Variants in UBN1 observed in about 807,000 individuals in gnomAD.
The protein encoded by UBN1 is ubinuclein 1, also known as ubinuclein-1.
UBN1 carries 17 observed loss-of-function variants against 108.5 expected under a neutral mutation model. That is an observed-to-expected ratio of 0.16 (90% confidence interval 0.11 to 0.24). The LOEUF (loss-of-function observed/expected upper bound fraction) is 0.24, where lower values mean the gene tolerates loss of function less well. Among genes scored for constraint, UBN1 ranks in the 10% least tolerant of loss-of-function variants. The pLI, the probability that UBN1 is intolerant of heterozygous loss-of-function variation, is 1.00. For synonymous variants in UBN1, 726 were observed against 564.2 expected, an observed-to-expected ratio of 1.29 and a Z score of -4.07; for missense variants, 1,595 against 1,394.4, an observed-to-expected ratio of 1.14 and a Z score of -2.29.
intron 2 of UBN1, among the ~76,000 whole-genome samples, chr16:4,854,106 T>C (rs1010115557): frequency 6.6e-6 from 1 of 152,068 alleles, no homozygotes; most frequent in Admixed American, 6.5e-5. Flanking sequence ...CCATCTTGTC[T>C]CAGTGCAACC....
In UBN1 at chr16:4,874,885, T is replaced by C; in HGVS notation, c.2475T>C (p.Asn825=). The change falls in exon 15 of 18, where the codon AAT becomes AAC. Residue 825 remains asparagine (N), a synonymous_variant. Coordinates refer to ENST00000262376, the MANE Select transcript of UBN1 (RefSeq NM_001079514.3). ...TCACGCCCCCATCTCCATTTGCCAA[T>C]AAGCTCCAAGGCCCAAAGGCTTCTC... The part of the protein sequence containing the change: ...KNFTPPSPFA[N]KLQGPKASPT... The C allele has an allele frequency of 6.2e-7, 1 of 1,614,122 alleles. No homozygotes were observed. Among genetic ancestry groups the C allele is most frequent in the Non-Finnish European group, 8.5e-7 (1 of 1,180,044 alleles).
chr16:4,880,294 T>G lies in UBN1; in HGVS notation c.*162T>G. Reference sequence around the variant, plus strand: ...CTCGGCACTTCTGATGTGCCTCCCATGGAGGGAGCCGGGCCCTTGCTGCTC... The same window carrying G: ...CTCGGCACTTCTGATGTGCCTCCCAGGGAGGGAGCCGGGCCCTTGCTGCTC... On this transcript the variant is annotated 3_prime_UTR_variant, in exon 18 of 18. Coordinates refer to ENST00000262376, the MANE Select transcript of UBN1 (RefSeq NM_001079514.3). 1 of 775,896 alleles carries G rather than the reference T, an allele frequency of 1.3e-6. No homozygotes were observed. Among genetic ancestry groups the G allele is most frequent in the Admixed American group, 2.3e-5 (1 of 42,994 alleles). 48.1% of individuals were successfully genotyped at this position (775,896 alleles called of 1,614,324 possible). A position where few individuals can be genotyped will look rare whatever the true frequency, so the allele number is the denominator to read the frequency against.
Position 4,856,068 on chromosome 16 carries a change from A to T in UBN1, c.250-1922A>T, listed in dbSNP as rs367822451. Among the ~76,000 whole-genome samples, 58 of 152,364 alleles carry T rather than the reference A, an allele frequency of 3.8e-4. No individual in the cohort carries two copies. The South Asian group carries it at 0.011, about 29-fold the overall frequency. ...GCAGAATGACAGAAAGTAATTTCAA[A>T]TCCCTTTATAATTCCTGTTTCAGGA... is the stretch of plus-strand genomic sequence containing the variant. On this transcript the variant is annotated intron_variant, in intron 2 of 17. Coordinates refer to ENST00000262376, the MANE Select transcript of UBN1 (RefSeq NM_001079514.3).
chr16:4,872,768 C>T (rs1301031999), intron 12 of UBN1, 116 bp from the exon 13 acceptor site: 7 of 1,242,014 alleles, frequency 5.6e-6, no homozygotes, highest in Middle Eastern at 2.5e-4. Context: ...TGCGCCTGGC[C>T]AGTTGACATT....
chr16:4,862,878 T>C (rs181413801), intron 7 of UBN1, among the ~76,000 whole-genome samples: 191 of 152,364 alleles, frequency 1.3e-3, no homozygotes, highest in Admixed American at 3.8e-3. Flanking sequence ...CAGTTAGCTC[T>C]TGGGCATAAC....
chr16:4,877,060 G>A lies in UBN1; in HGVS notation c.3214G>A (p.Ala1072Thr), dbSNP rs376555508. 1 of 1,614,126 alleles carries A rather than the reference G, an allele frequency of 6.2e-7. No individual in the cohort carries two copies. Among genetic ancestry groups the A allele is most frequent in the Non-Finnish European group, 8.5e-7 (1 of 1,180,020 alleles). Reference protein sequence around the residue: ...SSAKAGVSKDAIVTGPAPGSF... With the variant: ...SSAKAGVSKDTIVTGPAPGSF... Reference sequence around the variant, plus strand: ...TGCCAAAGCAGGGGTCTCCAAGGATGCCATCGTCACAGGCCCTGCCCCCGG... The same window carrying A: ...TGCCAAAGCAGGGGTCTCCAAGGATACCATCGTCACAGGCCCTGCCCCCGG... Residue 1072 changes from alanine to threonine, a missense_variant, in exon 16 of 18, where the codon GCC becomes ACC. Around this residue, in one of 3 missense-constraint regions of UBN1, gnomAD observed 1,398 missense variants for 1,194.7 expected, o/e 1.17. Coordinates refer to ENST00000262376, the MANE Select transcript of UBN1 (RefSeq NM_001079514.3). The surrounding 1 kb of genome is among the most constrained non-coding windows in gnomAD (Gnocchi z 4.3).
At chr16:4,856,029 A>G (rs1056655856) in intron 2 of UBN1, among the ~76,000 whole-genome samples, 1 of 152,238 alleles carries the variant, frequency 6.6e-6, no homozygotes, top group Non-Finnish European at 1.5e-5. Context: ...AGCCTGTTGC[A>G]TGAGCACCAC....
At chr16:4,873,168 T>C in intron 14 of UBN1, 95 bp downstream of exon 14, 1 of 1,551,522 alleles carries the variant, frequency 6.4e-7, no homozygotes, top group South Asian at 1.1e-5. Context: ...CTCATTGATC[T>C]TTGCTCGTCT....
At position 4,872,933 on chromosome 16, in the gene UBN1, C is replaced by A; in HGVS notation, c.1756C>A (p.Leu586Met). The change falls in exon 13 of 18, where the codon CTG becomes ATG. Residue 586 changes from leucine to methionine, a missense_variant and splice_region_variant. Leu to Met is a conservative substitution (Grantham distance 15). This residue lies in a region of UBN1 where 1,398 missense variants were observed against 1,194.7 expected (regional missense o/e 1.17). Transcript: ENST00000262376. The stretch of plus-strand genomic sequence containing the variant: ...AGGCCATGGGCACCTGACTTCAATC[C>A]TGTGAGTGTCTTGGTATTTTCACAT... The part of the protein sequence containing the change: ...RRGHGHLTSI[L>M]AKKKVMAPSK... 6.2e-7 allele frequency: 1 copy of A among 1,614,210 alleles called. No homozygotes were observed. The highest frequency in any genetic ancestry group is 8.5e-7 in the Non-Finnish European group (1 of 1,180,038).
At chr16:4,865,879 T>G (rs2087305839) in intron 7 of UBN1, among the ~76,000 whole-genome samples, 1 of 152,054 alleles carries the variant, frequency 6.6e-6, no homozygotes, top group Non-Finnish European at 1.5e-5. Context: ...GGAGAATCAC[T>G]TGAACCCGGG....
In UBN1 at chr16:4,871,176, G is replaced by A. The variant is rs746071854; in HGVS notation, c.1581G>A (p.Val527=). ...TCAGGGAGCTACTGTGCCAGGTGGT[G>A]AAGATCAAACTGGAGAGCCAGGACC... ...DEIRELLCQV[V]KIKLESQDLE... is the part of the protein sequence containing the mutation. The change falls in exon 12 of 18, where the codon GTG becomes GTA. Residue 527 remains valine, a synonymous_variant. Transcript: ENST00000262376. The A allele has an allele frequency of 6.2e-7, 1 of 1,614,252 alleles. No individual in the cohort carries two copies. Among genetic ancestry groups the A allele is most frequent in the Non-Finnish European group, 8.5e-7 (1 of 1,180,052 alleles).
intron 2 of UBN1, among the ~76,000 whole-genome samples, chr16:4,854,520 T>C (rs1164100699): frequency 6.6e-6 from 1 of 150,780 alleles, no homozygotes; most frequent in Non-Finnish European, 1.5e-5. Context: ...ATTTTTTTTT[T>C]TTTTTTTTGT....
chr16:4,871,906 C>G (rs2087661554), intron 12 of UBN1, among the ~76,000 whole-genome samples: 1 of 152,158 alleles, frequency 6.6e-6, no homozygotes, highest in Non-Finnish European at 1.5e-5. Context: ...TTTTAACATA[C>G]AGGCTGCTAT....
intron 2 of UBN1, among the ~76,000 whole-genome samples, chr16:4,856,556 T>C (rs1567894355): frequency 6.6e-6 from 1 of 152,192 alleles, no homozygotes; most frequent in Admixed American, 6.5e-5. Context: ...ATATGGTCAT[T>C]GTTTAAGTCT....
rs1315426125 is a variant in UBN1 at position 4,874,730 on chromosome 16, C to T, written c.2320C>T (p.Pro774Ser). 6.2e-7 allele frequency: 1 copy of T among 1,614,052 alleles called. No individual in the cohort carries two copies. The highest frequency in any genetic ancestry group is 8.5e-7 in the Non-Finnish European group (1 of 1,180,016). The change falls in exon 15 of 18, where the codon CCA (proline) becomes TCA (serine). Residue 774 changes from proline to serine, a missense_variant. Physicochemically the swap from Pro to Ser is moderately conservative, Grantham distance 74. Transcript: ENST00000262376. ...SCQAPLNKGL[P>S]EVHQSKAKHH... Reference sequence around the variant, plus strand: ...CCAGGCTCCCCTCAATAAGGGCCTGCCAGAAGTACATCAGTCCAAAGCTAA... The same window carrying T: ...CCAGGCTCCCCTCAATAAGGGCCTGTCAGAAGTACATCAGTCCAAAGCTAA...
Position 4,847,910 on chromosome 16 carries a change from G to A in UBN1, c.-340G>A, listed in dbSNP as rs1207301157. ...TTTCGGAGGCGCCGTCTGAGCGCGGGGTCCCGCGCCGCAAGTTCTCCTGGG... is the reference window on the plus strand; with the variant it reads ...TTTCGGAGGCGCCGTCTGAGCGCGGAGTCCCGCGCCGCAAGTTCTCCTGGG... On this transcript the variant is annotated 5_prime_UTR_variant, in exon 1 of 18. Coordinates refer to ENST00000262376, the MANE Select transcript of UBN1 (RefSeq NM_001079514.3). 6.6e-6 allele frequency: 1 copy of A among 152,482 alleles called. No individual in the cohort carries two copies. The highest frequency in any genetic ancestry group is 2.4e-5 in the African/African-American group (1 of 41,450). The allele number at this position is 152,482 out of a possible 1,614,324, so 9.4% of individuals were successfully genotyped here. A position where few individuals can be genotyped will look rare whatever the true frequency, so the allele number is the denominator to read the frequency against.
In UBN1 at chr16:4,875,234, G is replaced by C. The variant is rs772415622; in HGVS notation, c.2824G>C (p.Val942Leu). 1 of 1,614,066 alleles carries C rather than the reference G, an allele frequency of 6.2e-7. No individual in the cohort carries two copies. Among genetic ancestry groups the C allele is most frequent in the South Asian group, 1.1e-5 (1 of 91,078 alleles). ...SLVPGIQPPSVGQATSRPVPS... is the reference protein window; with the variant it reads ...SLVPGIQPPSLGQATSRPVPS... The stretch of plus-strand genomic sequence containing the variant: ...GGTCCCTGGCATACAGCCTCCCTCC[G>C]TGGGACAGGCCACCAGCCGACCCGT... Residue 942 changes from valine (V) to leucine (L), a missense_variant, in exon 15 of 18, where the codon GTG becomes CTG. This residue lies in a region of UBN1 where 1,398 missense variants were observed against 1,194.7 expected (regional missense o/e 1.17). Coordinates refer to ENST00000262376, the MANE Select transcript of UBN1 (RefSeq NM_001079514.3).
At position 4,877,434 on chromosome 16, in the gene UBN1, A is replaced by T; in HGVS notation, c.3315A>T (p.Pro1105=). ...GCCCGCCCCATGCAGCGCCTCTCCCACACGCTGCGGTGCCCACCCATATCC... is the reference window on the plus strand; with the variant it reads ...GCCCGCCCCATGCAGCGCCTCTCCCTCACGCTGCGGTGCCCACCCATATCC... ...HSSPPHAAPL[P]HAAVPTHIPQ... The change falls in exon 17 of 18, where the codon CCA becomes CCT. Residue 1105 remains proline, a synonymous_variant. Coordinates refer to ENST00000262376, the MANE Select transcript of UBN1 (RefSeq NM_001079514.3). The surrounding 1 kb of genome is among the most constrained non-coding windows in gnomAD (Gnocchi z 4.3). 3.1e-6 allele frequency: 5 copies of T among 1,612,292 alleles called. No homozygotes were observed. Among genetic ancestry groups the T allele is most frequent in the Non-Finnish European group, 4.2e-6 (5 of 1,179,696 alleles).
rs545084764 is a variant in UBN1 at position 4,877,128 on chromosome 16, T to G, written c.3265+17T>G. The G allele has an allele frequency of 2.9e-5, 47 of 1,594,924 alleles. No individual in the cohort carries two copies. The South Asian group carries it at 4.8e-4, about 16-fold the overall frequency. The stretch of plus-strand genomic sequence containing the variant: ...TTGGCCACAGTAAGTGCTTCTTTGC[T>G]GCCTCTGGTCACTCAGGAACCTCTA... On this transcript the variant is annotated intron_variant, in intron 16 of 17. Transcript: ENST00000262376. The surrounding 1 kb of genome is among the most constrained non-coding windows in gnomAD (Gnocchi z 4.3).
Sources: allele counts gnomAD v4.1 joint callset (sites outside exome capture counted in the v4.1 genomes callset), GRCh38; gene constraint gnomAD v4.1.1; regional missense constraint gnomAD v4.1.1; non-coding constraint Gnocchi (gnomAD v3.1); transcripts MANE v1.5; gene names NCBI Gene and HGNC (gene_info 2026-07-23, HGNC 2026-07-21).